The following AP3D1 variants were observed in gnomAD, a reference collection of about 807,000 sequenced individuals.
The protein encoded by AP3D1 is adaptor related protein complex 3 subunit delta 1.
In AP3D1, 51 loss-of-function variants were observed where a neutral mutation model predicts 147.6. The ratio of observed to expected loss-of-function variants is 0.35; its 90% CI spans 0.28 to 0.44. The LOEUF is 0.44. Ranked by LOEUF, AP3D1 falls within the 20% of genes least tolerant of loss-of-function variation. The pLI is 1.00. For missense variants in AP3D1, 1,421 were observed against 1,624.2 expected (o/e 0.87, Z 2.15); for synonymous variants, 760 against 663.0 (o/e 1.15, Z -2.25).
upstream of AP3D1, among the ~76,000 whole-genome samples, chr19:2,154,243 C>G (rs1030684308): frequency 1.3e-5 from 2 of 151,696 alleles, no homozygotes; most frequent in Non-Finnish European, 2.9e-5. Flanking sequence ...GCCACTGCAC[C>G]AGCCTCAGAA....
chr19:2,148,381 G>A (rs1407950870), intron 1 of AP3D1, among the ~76,000 whole-genome samples: 2 of 152,166 alleles, frequency 1.3e-5, no homozygotes, highest in Admixed American at 6.6e-5. Context: ...ACGTTTACAC[G>A]TACACACAAG....
chr19:2,119,253 T>TC (rs1178480351), intron 14 of AP3D1, among the ~76,000 whole-genome samples: 3 of 152,056 alleles, frequency 2.0e-5, no homozygotes, highest in Non-Finnish European at 4.4e-5. Context: ...TCCACTTTTT[T>TC]CCCAATAAGA....
At position 2,121,439 on chromosome 19, in the gene AP3D1, C is replaced by T. The variant is rs931833839; in HGVS notation, c.1102-128G>A. ...GCGGACCCGGATTCACAGATCGATG[C>T]CAGGGAGGCAGCAGGCCCCTGCGAT... On this transcript the variant is annotated intron_variant, in intron 12 of 31. Transcript: ENST00000643116. 9.4e-6 allele frequency: 12 copies of T among 1,276,024 alleles called. No homozygotes were observed. In the African/African-American group the frequency reaches 1.3e-4, roughly 14 times the overall value. 79.0% of individuals were successfully genotyped at this position (1,276,024 alleles called of 1,614,324 possible). A position where few individuals can be genotyped will look rare whatever the true frequency, so the allele number is the denominator to read the frequency against.
rs2018530983 is a variant in AP3D1, at chr19:2,118,808, A to G, written c.1506T>C (p.Thr502=). The G allele has an allele frequency of 6.2e-7, 1 of 1,613,444 alleles. No individual in the cohort carries two copies. The highest frequency in any genetic ancestry group is 8.5e-7 in the Non-Finnish European group (1 of 1,179,982). The change falls in exon 15 of 32, where the codon ACT becomes ACC. Residue 502 remains threonine (T), a synonymous_variant. Coordinates refer to ENST00000643116, the MANE Select transcript of AP3D1 (RefSeq NM_001261826.3). The part of the protein sequence containing the change: ...FSEHLQEPHH[T]LEAMLRPRVT... ...CTCTGGGCCGCAGCATGGCCTCCAA[A>G]GTGTGGTGTGGTTCCTGCAGATGCC...
At chr19:2,111,426 G>A (rs897460467) in intron 25 of AP3D1, 94 bp from the exon 26 acceptor site, 9 of 1,485,844 alleles carry the variant, frequency 6.1e-6, no homozygotes, top group Admixed American at 3.7e-5. Context: ...CGAATGCCAC[G>A]ACTCCAAGAA....
At chr19:2,127,383 T>C (rs1317507285) in intron 8 of AP3D1, among the ~76,000 whole-genome samples, 182 bp from the exon 9 acceptor site, 1 of 152,172 alleles carries the variant, frequency 6.6e-6, no homozygotes, top group African/African-American at 2.4e-5. Context: ...CGTCTCATCT[T>C]CCCAGAAAGG....
Position 2,162,066 on chromosome 19 carries a change from C to T in AP3D1, c.-103+2290G>A, listed in dbSNP as rs1338003364. Among the ~76,000 whole-genome samples, 7 of 141,858 alleles carry T rather than the reference C, an allele frequency of 4.9e-5. No individual in the cohort carries two copies. In the East Asian group the frequency reaches 1.1e-3, roughly 22 times the overall value. The allele number at this position is 141,858 out of a possible 152,430, so 93.1% of individuals were successfully genotyped here. A position where few individuals can be genotyped will look rare whatever the true frequency, so the allele number is the denominator to read the frequency against. On this transcript the variant is annotated intron_variant, in intron 1 of 14. Coordinates refer to the AP3D1 transcript ENST00000643010. ...TTTTTTTTTTTTTGAGACACAGTCTCACTCTGTCGCCCAGGCTGGAGTGCA... is the reference window on the plus strand; with the variant it reads ...TTTTTTTTTTTTTGAGACACAGTCTTACTCTGTCGCCCAGGCTGGAGTGCA...
At chr19:2,135,149 C>A (rs1490930020) in intron 4 of AP3D1, among the ~76,000 whole-genome samples, 1 of 152,004 alleles carries the variant, frequency 6.6e-6, no homozygotes, top group East Asian at 1.9e-4. Flanking sequence ...TGCAGTGAGC[C>A]AAGATCACGC....
intron 24 of AP3D1, 59 bp downstream of exon 24, chr19:2,112,801 C>A (rs1179487027): frequency 2.1e-6 from 3 of 1,403,264 alleles, no homozygotes; most frequent in South Asian, 2.6e-5. Context: ...TCCGGCCCCA[C>A]GTTGGGGTGC....
chr19:2,111,751 C>T lies in AP3D1; in HGVS notation c.2865G>A (p.Lys955=), dbSNP rs1184600344. 1.2e-6 allele frequency: 2 copies of T among 1,610,674 alleles called. No individual in the cohort carries two copies. The highest frequency in any genetic ancestry group is 1.7e-6 in the Non-Finnish European group (2 of 1,178,592). Residue 955 remains lysine, a synonymous_variant, in exon 25 of 32, where the codon AAG becomes AAA. Transcript: ENST00000643116. ...ERTKGKKKSK[K]QPPGSEEAAG... ...CTGCCTCCTCGCTGCCTGGAGGCTGCTTCTTGGACTTCTTCTTGCCTTTGG... is the reference window on the plus strand; with the variant it reads ...CTGCCTCCTCGCTGCCTGGAGGCTGTTTCTTGGACTTCTTCTTGCCTTTGG...
chr19:2,143,230 ATTTTTTTTTTTT>A (rs776434810), intron 1 of AP3D1, among the ~76,000 whole-genome samples: 4 of 74,342 alleles, frequency 5.4e-5, no homozygotes, highest in East Asian at 4.0e-4. Context: ...TGCCTGCCTA[ATTTTTTTTTTTT>A]TTTTTTTTTT....
chr19:2,113,335 C>T lies in AP3D1; in HGVS notation c.2679+1G>A. The T allele has an allele frequency of 9.2e-7, 1 of 1,082,046 alleles. No individual in the cohort carries two copies. Among genetic ancestry groups the T allele is most frequent in the Non-Finnish European group, 1.2e-6 (1 of 804,102 alleles). 67.0% of individuals were successfully genotyped at this position (1,082,046 alleles called of 1,614,324 possible). ...GCACTGGCCAGCTGCCAGTCTCTTA[C>T]CGTGGATGGAACGGGGGCGGGGGCG... On this transcript the variant is annotated splice_donor_variant, in intron 23 of 31. Transcript: ENST00000643116. LOFTEE classifies it high-confidence loss of function.
At chr19:2,141,028 G>A (rs928438901) in intron 1 of AP3D1, among the ~76,000 whole-genome samples, 5 of 152,084 alleles carry the variant, frequency 3.3e-5, no homozygotes, top group Admixed American at 3.3e-4. Flanking sequence ...CAAAGTGCCA[G>A]GATAACAGGC....
At chr19:2,141,832 C>T (rs888622462) in intron 1 of AP3D1, among the ~76,000 whole-genome samples, 3 of 151,724 alleles carry the variant, frequency 2.0e-5, no homozygotes, top group Non-Finnish European at 4.4e-5. Context: ...CTCAACCTCC[C>T]AGGCTCAAGA....
chr19:2,138,799 C>G, intron 1 of AP3D1, 85 bp from the exon 2 acceptor site: 1 of 956,088 alleles, frequency 1.0e-6, no homozygotes, highest in Non-Finnish European at 1.7e-6. Flanking sequence ...CAGTGGCTCA[C>G]GCCTGTAATC....
Position 2,116,294 on chromosome 19 carries a change from T to C in AP3D1, c.2002-16A>G, listed in dbSNP as rs2018447203. Reference sequence around the variant, plus strand: ...CCTCTCGGCGCTGTGGGACACAGCTTGGCATGAGCCCGAGAGAAGCGGGCA... The same window carrying C: ...CCTCTCGGCGCTGTGGGACACAGCTCGGCATGAGCCCGAGAGAAGCGGGCA... On this transcript the variant is annotated splice_polypyrimidine_tract_variant and intron_variant, in intron 17 of 31. Transcript: ENST00000643116. 2 of 1,613,186 alleles carry C rather than the reference T, an allele frequency of 1.2e-6. No individual in the cohort carries two copies. Among genetic ancestry groups the C allele is most frequent in the Admixed American group, 3.3e-5 (2 of 59,962 alleles).
At position 2,114,124 on chromosome 19, in the gene AP3D1, CCTT is replaced by C. The variant is rs2145034328; in HGVS notation, c.2599_2601del (p.Lys867del). ...GCCGCCGCCCTGGGCACTAGCCTTACCTTCTTCTCCTTCTCCTTCTTCTTCTCC... is the reference window on the plus strand; with the variant it reads ...GCCGCCGCCCTGGGCACTAGCCTTACCTTCTCCTTCTCCTTCTTCTTCTCC... On this transcript the variant is annotated inframe_deletion and splice_region_variant, in exon 22 of 32. Transcript: ENST00000643116. The C allele has an allele frequency of 1.6e-6, 2 of 1,269,398 alleles. No homozygotes were observed. Among genetic ancestry groups the C allele is most frequent in the Non-Finnish European group, 2.2e-6 (2 of 906,692 alleles). 78.6% of individuals were successfully genotyped at this position (1,269,398 alleles called of 1,614,324 possible). A position where few individuals can be genotyped will look rare whatever the true frequency, so the allele number is the denominator to read the frequency against.
rs563707769 is a variant in AP3D1 at position 2,150,004 on chromosome 19, G to A, written c.96+1235C>T. ...GATGAAGAAAACCAAGGAGGCCGAA[G>A]GGAAGTGGGGTGGAGAAGAACAAAA... On this transcript the variant is annotated intron_variant, in intron 1 of 31. Transcript: ENST00000643116. 8.1e-4 allele frequency among the ~76,000 whole-genome samples: 123 copies of A among 152,352 alleles called. 1 individual carries two copies. The highest frequency in any genetic ancestry group is 2.8e-3 in the African/African-American group (118 of 41,578).
intron 24 of AP3D1, 127 bp downstream of exon 24, chr19:2,112,733 A>C: frequency 1.6e-6 from 1 of 632,086 alleles, no homozygotes; most frequent in South Asian, 2.1e-5. Flanking sequence ...GGCCCGTGAG[A>C]ACGCCAACAC....
Sources: gnomAD v4.1 joint callset for allele counts (sites outside exome capture counted in the v4.1 genomes callset) on GRCh38, gnomAD v4.1.1 for gene constraint, MANE v1.5 for transcripts, NCBI Gene and HGNC (gene_info 2026-07-23, HGNC 2026-07-21) for gene names.